Variants in CCDC88C observed in about 807,000 individuals in gnomAD.
The protein encoded by CCDC88C is coiled-coil and HOOK domain protein 88C, also known as protein Daple.
A neutral mutation model predicts 198.8 loss-of-function variants in CCDC88C; 131 were observed. The observed-to-expected ratio is 0.66, with a 90% CI of 0.57 to 0.76. The LOEUF is 0.76. Among genes scored for constraint, CCDC88C ranks in the 30% least tolerant of loss-of-function variants. The pLI is 0.00. For missense variants in CCDC88C, 2,553 were observed against 2,631.6 expected, an observed-to-expected ratio of 0.97 and a Z score of 0.65; for synonymous variants, 1,166 against 1,114.7, an observed-to-expected ratio of 1.05 and a Z score of -0.92.
intron 20 of CCDC88C, among the ~76,000 whole-genome samples, chr14:91,301,589 T>C (rs911170303): frequency 3.3e-5 from 5 of 152,156 alleles, no homozygotes; most frequent in Admixed American, 1.3e-4. Context: ...TGGTGGTGCA[T>C]GCCTGTAGTC....
chr14:91,310,022 C>A, intron 15 of CCDC88C, 36 bp from the exon 16 acceptor site: 1 of 1,534,474 alleles, frequency 6.5e-7, no homozygotes, highest in South Asian at 1.2e-5. Flanking sequence ...GATAGGAGCT[C>A]AGCAAAACAC....
Position 91,358,731 on chromosome 14 carries a change from G to A in CCDC88C, c.340+911C>T, listed in dbSNP as rs1394295283. Among the ~76,000 whole-genome samples, 7 of 152,066 alleles carry A rather than the reference G, an allele frequency of 4.6e-5. No individual in the cohort carries two copies. In the East Asian group the frequency reaches 1.4e-3, roughly 29 times the overall value. Reference sequence around the variant, plus strand: ...TTGCCCAGGCTGGTCTTAAACTCTTGGGCTCAAGCGATCCTCCTGCCTCGG... The same window carrying A: ...TTGCCCAGGCTGGTCTTAAACTCTTAGGCTCAAGCGATCCTCCTGCCTCGG... On this transcript the variant is annotated intron_variant, in intron 4 of 29. Coordinates refer to ENST00000389857, the MANE Select transcript of CCDC88C (RefSeq NM_001080414.4).
chr14:91,350,843 G>A (rs980211982), intron 4 of CCDC88C, among the ~76,000 whole-genome samples: 5 of 152,048 alleles, frequency 3.3e-5, no homozygotes, highest in South Asian at 2.1e-4. Context: ...CTTAATATAC[G>A]GCATGCTACC....
intron 4 of CCDC88C, among the ~76,000 whole-genome samples, chr14:91,353,258 T>C (rs1024782297): frequency 6.6e-6 from 1 of 152,182 alleles, no homozygotes; most frequent in African/African-American, 2.4e-5. Flanking sequence ...CTAGAACACC[T>C]TTCCTCGCTT....
chr14:91,281,602 G>A, intron 26 of CCDC88C, 77 bp from the exon 27 acceptor site: 2 of 1,298,460 alleles, frequency 1.5e-6, no homozygotes, highest in South Asian at 1.2e-5. Flanking sequence ...ACCTCGCCTG[G>A]CACCCGGATC....
At chr14:91,275,541 A>C (rs1001056877) in intron 29 of CCDC88C, among the ~76,000 whole-genome samples, 2 of 149,700 alleles carry the variant, frequency 1.3e-5, no homozygotes, top group Admixed American at 6.6e-5. Context: ...GCAGTGGCAC[A>C]ATCTCGGTTC....
chr14:91,336,905 G>A (rs1893073725), intron 10 of CCDC88C, among the ~76,000 whole-genome samples: 1 of 152,242 alleles, frequency 6.6e-6, no homozygotes, highest in African/African-American at 2.4e-5. Flanking sequence ...TCCACGGCAG[G>A]GAGAGGGCAA....
intron 3 of CCDC88C, among the ~76,000 whole-genome samples, chr14:91,372,581 A>T (rs1328247199): frequency 7.2e-6 from 1 of 139,162 alleles, no homozygotes; most frequent in Non-Finnish European, 1.5e-5. Flanking sequence ...GAGGGCTAGG[A>T]ATAAAGGAAA....
intron 3 of CCDC88C, among the ~76,000 whole-genome samples, chr14:91,402,472 T>C (rs528606270): frequency 5.3e-5 from 8 of 152,350 alleles, no homozygotes; most frequent in Admixed American, 2.0e-4. Flanking sequence ...CTGCCGTTTA[T>C]GGAAGTCTCG....
chr14:91,300,624 AGTT>A lies in CCDC88C; in HGVS notation c.3636-557_3636-555del, dbSNP rs1420954816. ...GCTCACCCAGGAGCTGCCAGGGACT[AGTT>A]GTCACATACACACAGCAGCTCTCCT... On this transcript the variant is annotated intron_variant, in intron 20 of 29. Transcript: ENST00000389857. 5.9e-5 allele frequency among the ~76,000 whole-genome samples: 9 copies of A among 152,248 alleles called. No individual in the cohort carries two copies. The East Asian group carries it at 1.7e-3, about 29-fold the overall frequency.
intron 13 of CCDC88C, among the ~76,000 whole-genome samples, chr14:91,317,435 G>C (rs908910410): frequency 2.0e-5 from 3 of 152,230 alleles, no homozygotes; most frequent in Non-Finnish European, 4.4e-5. Flanking sequence ...TGAGCTGGCT[G>C]AGGGTTGCCA....
intron 3 of CCDC88C, among the ~76,000 whole-genome samples, chr14:91,366,042 T>TC (rs1021407306): frequency 5.9e-5 from 9 of 152,278 alleles, no homozygotes; most frequent in South Asian, 4.1e-4. Flanking sequence ...AGAGCAAGTT[T>TC]CCCCAGCATT....
In CCDC88C at chr14:91,339,464, T is replaced by C; in HGVS notation, c.625-2A>G. 1 of 1,601,868 alleles carries C rather than the reference T, an allele frequency of 6.2e-7. No individual in the cohort carries two copies. The highest frequency in any genetic ancestry group is 8.5e-7 in the Non-Finnish European group (1 of 1,170,528). On this transcript the variant is annotated splice_acceptor_variant, in intron 7 of 29. Coordinates refer to ENST00000389857, the MANE Select transcript of CCDC88C (RefSeq NM_001080414.4). LOFTEE classifies it high-confidence loss of function. This position sits in a 1 kb window ranked among gnomAD's most constrained non-coding sequence, Gnocchi z 5.8. The stretch of plus-strand genomic sequence containing the variant: ...TTCCTGAGTGAGGTCCACGATCAGC[T>C]GCAGCCGGGCAGAGAGGGGGATGGA...
chr14:91,307,096 T>G lies in CCDC88C; in HGVS notation c.3137A>C (p.Lys1046Thr), dbSNP rs1891588900. ...TCGGAGAAGCTCCATGGTGGCTTCC[T>G]TATGGCCGGGCCCCCAGGCCTCCTT... is the stretch of plus-strand genomic sequence containing the variant. The part of the protein sequence containing the change: ...QGKEAWGPGH[K>T]EATMELLRVK... Residue 1046 changes from lysine to threonine, a missense_variant, in exon 18 of 30, where the codon AAG becomes ACG. Around this residue, in one of 2 missense-constraint regions of CCDC88C, gnomAD observed 1,260 missense variants for 1,412.0 expected, o/e 0.89. Coordinates refer to ENST00000389857, the MANE Select transcript of CCDC88C (RefSeq NM_001080414.4). 6.2e-7 allele frequency: 1 copy of G among 1,613,896 alleles called. No individual in the cohort carries two copies. Among genetic ancestry groups the G allele is most frequent in the South Asian group, 1.1e-5 (1 of 91,074 alleles).
chr14:91,292,127 C>T (rs116682295), intron 23 of CCDC88C, among the ~76,000 whole-genome samples: 51 of 152,266 alleles, frequency 3.3e-4, no homozygotes, highest in African/African-American at 1.2e-3. Flanking sequence ...CAAGAGCTCA[C>T]GGTGAGGTGA....
chr14:91,396,051 G>T (rs1885817947), intron 3 of CCDC88C, among the ~76,000 whole-genome samples: 2 of 152,158 alleles, frequency 1.3e-5, no homozygotes, highest in Non-Finnish European at 2.9e-5. Flanking sequence ...AGAAAAATAA[G>T]ACGACAATTA....
chr14:91,346,869 A>C lies in CCDC88C; in HGVS notation c.341-3212T>G, dbSNP rs577966068. Among the ~76,000 whole-genome samples, 4 of 152,332 alleles carry C rather than the reference A, an allele frequency of 2.6e-5. No homozygotes were observed. In the South Asian group the frequency reaches 8.3e-4, roughly 32 times the overall value. On this transcript the variant is annotated intron_variant, in intron 4 of 29. Coordinates refer to ENST00000389857, the MANE Select transcript of CCDC88C (RefSeq NM_001080414.4). ...AGCTGAAATTGCTCCACTGCACTCC[A>C]GCCTTGGCGACAAAGGAAGACTCTG...
intron 22 of CCDC88C, among the ~76,000 whole-genome samples, chr14:91,295,534 G>A: frequency 6.6e-6 from 1 of 152,190 alleles, no homozygotes; most frequent in Non-Finnish European, 1.5e-5. Flanking sequence ...CAAGCCGGCT[G>A]GGCCCCACCC....
chr14:91,319,944 G>A (rs1362117286), intron 13 of CCDC88C, among the ~76,000 whole-genome samples: 1 of 140,286 alleles, frequency 7.1e-6, no homozygotes, highest in Non-Finnish European at 1.5e-5. Context: ...AGAATCACTT[G>A]AACCTGGGAG....
Sources: gnomAD v4.1 joint callset for allele counts (sites outside exome capture counted in the v4.1 genomes callset) on GRCh38, gnomAD v4.1.1 for gene constraint, gnomAD v4.1.1 regional missense constraint, Gnocchi (gnomAD v3.1) non-coding constraint, MANE v1.5 for transcripts, NCBI Gene and HGNC (gene_info 2026-07-23, HGNC 2026-07-21) for gene names.